The following SLC38A9 variants were observed in gnomAD, a reference collection of about 807,000 sequenced individuals.
SLC38A9 encodes neutral amino acid transporter 9.
A neutral mutation model predicts 62.3 loss-of-function variants in SLC38A9; 48 were observed. The observed-to-expected ratio is 0.77, with a 90% CI of 0.61 to 0.98. The LOEUF (loss-of-function observed/expected upper bound fraction) is 0.98. SLC38A9 is among the 50% of genes least tolerant of loss of function. The probability of loss-of-function intolerance (pLI) is 0.00; values close to 1 mark genes in which losing one functional copy is unlikely to be tolerated. For missense variants in SLC38A9, 541 were observed against 679.8 expected, an observed-to-expected ratio of 0.80 and a Z score of 2.27; for synonymous variants, 204 against 227.7, an observed-to-expected ratio of 0.90 and a Z score of 0.94.
intron 3 of SLC38A9, chr5:55,691,311 A>G (rs1754706195): frequency 3.3e-6 from 5 of 1,498,476 alleles, no homozygotes; most frequent in African/African-American, 1.4e-5. Context: ...AATAGGACAG[A>G]TAAGTACTGG....
rs4865616 is a variant in SLC38A9, at chr5:55,664,859, C to T, written c.531G>A (p.Ser177=). The change falls in exon 8 of 16, where the codon TCG becomes TCA. Residue 177 remains serine (S), a synonymous_variant. Coordinates refer to ENST00000396865, the MANE Select transcript of SLC38A9 (RefSeq NM_173514.4). Reference sequence around the variant, plus strand: ...GATATTCCCAGCTAGTGGTATCCAACGAAACTAGATAAAATAAGAGAAAGA... The same window carrying T: ...GATATTCCCAGCTAGTGGTATCCAATGAAACTAGATAAAATAAGAGAAAGA... ...RVVKSRTMMF[S]LDTTSWEYPD... The T allele has an allele frequency of 0.65, 973,863 of 1,509,382 alleles. 318,981 individuals are homozygous for T. The highest frequency in any genetic ancestry group is 0.69 in the South Asian group (51,227 of 74,622). The allele number at this position is 1,509,382 out of a possible 1,614,324, so 93.5% of individuals were successfully genotyped here.
chr5:55,711,700 C>T (rs1269773992), intron 1 of SLC38A9, among the ~76,000 whole-genome samples: 2 of 152,202 alleles, frequency 1.3e-5, no homozygotes, highest in East Asian at 1.9e-4. Flanking sequence ...GTTCCTCCCT[C>T]ATGTTCCCCC....
Position 55,626,789 on chromosome 5 carries a change from T to A in SLC38A9, c.1521-130A>T, listed in dbSNP as rs568264773. 3.0e-5 allele frequency: 24 copies of A among 793,456 alleles called. No individual in the cohort carries two copies. In the East Asian group the frequency reaches 5.4e-4, roughly 18 times the overall value. The allele number at this position is 793,456 out of a possible 1,614,324, so 49.2% of individuals were successfully genotyped here. ...CAAAAATTATTTTTGATTCATTTGT[T>A]GTTGACATAAAACATCTGGGTTTAA... is the stretch of plus-strand genomic sequence containing the variant. On this transcript the variant is annotated intron_variant, in intron 15 of 15. Coordinates refer to ENST00000396865, the MANE Select transcript of SLC38A9 (RefSeq NM_173514.4).
intron 3 of SLC38A9, among the ~76,000 whole-genome samples, chr5:55,687,322 G>C (rs1348120154): frequency 6.7e-6 from 1 of 149,854 alleles, no homozygotes; most frequent in Non-Finnish European, 1.5e-5. Context: ...AGCTACTCGG[G>C]AGGCTGAGGC....
At chr5:55,675,203 T>C (rs1166170110) in intron 3 of SLC38A9, 1 of 152,240 alleles carries the variant, frequency 6.6e-6, no homozygotes, top group Non-Finnish European at 1.5e-5. Flanking sequence ...CAGGAAGTGC[T>C]AAATTTCTTG....
At chr5:55,638,504 G>A (rs1008945531) in intron 12 of SLC38A9, among the ~76,000 whole-genome samples, 6 of 152,132 alleles carry the variant, frequency 3.9e-5, no homozygotes, top group South Asian at 2.1e-4. Context: ...CAGGGTTGAC[G>A]GTAGAAAACT....
At chr5:55,674,915 T>G (rs1341300873) in intron 3 of SLC38A9, among the ~76,000 whole-genome samples, 1 of 152,214 alleles carries the variant, frequency 6.6e-6, no homozygotes. Context: ...TATTTATGTC[T>G]GGCAGATGGT....
chr5:55,638,425 G>A (rs893710358), intron 12 of SLC38A9, among the ~76,000 whole-genome samples: 2 of 152,194 alleles, frequency 1.3e-5, no homozygotes, highest in African/African-American at 4.8e-5. Context: ...ATATAAGCTG[G>A]TAATTATGTC....
chr5:55,652,518 C>G lies in SLC38A9; in HGVS notation c.952+11G>C. The G allele has an allele frequency of 6.4e-7, 1 of 1,560,538 alleles. No individual in the cohort carries two copies. The highest frequency in any genetic ancestry group is 2.3e-5 in the East Asian group (1 of 44,334). ...TACACAAAGTCTCCATAATTCAGTG[C>G]TACTACTTACCTAGGATATTAAATT... On this transcript the variant is annotated intron_variant, in intron 10 of 15. Coordinates refer to ENST00000396865, the MANE Select transcript of SLC38A9 (RefSeq NM_173514.4).
chr5:55,630,008 A>T (rs1423962947), intron 14 of SLC38A9, among the ~76,000 whole-genome samples: 2 of 152,238 alleles, frequency 1.3e-5, no homozygotes, highest in Admixed American at 1.3e-4. Flanking sequence ...AAAAGATCCA[A>T]AGTGCACGAT....
chr5:55,679,534 GCT>G (rs1193018276), intron 3 of SLC38A9, among the ~76,000 whole-genome samples: 1 of 151,462 alleles, frequency 6.6e-6, no homozygotes, highest in African/African-American at 2.4e-5. Context: ...ATTCTACTAT[GCT>G]GAGAATCTCT....
chr5:55,663,310 A>G (rs1273510746), intron 8 of SLC38A9, among the ~76,000 whole-genome samples: 1 of 151,586 alleles, frequency 6.6e-6, no homozygotes, highest in Non-Finnish European at 1.5e-5. Context: ...AAAAAAAAAA[A>G]AAAAAAAAAA....
chr5:55,651,626 C>T (rs1002187248), intron 10 of SLC38A9, among the ~76,000 whole-genome samples: 2 of 151,946 alleles, frequency 1.3e-5, no homozygotes, highest in African/African-American at 4.8e-5. Context: ...GAGGTCTGTT[C>T]CTTGAAGAAG....
At chr5:55,685,192 A>C (rs1027730110) in intron 3 of SLC38A9, among the ~76,000 whole-genome samples, 2 of 152,226 alleles carry the variant, frequency 1.3e-5, no homozygotes, top group Non-Finnish European at 2.9e-5. Context: ...TCACAGATTG[A>C]TGACTGTACA....
chr5:55,638,457 G>A (rs547967614), intron 12 of SLC38A9, among the ~76,000 whole-genome samples: 2 of 152,290 alleles, frequency 1.3e-5, no homozygotes, highest in Non-Finnish European at 2.9e-5. Flanking sequence ...ACATTAATAA[G>A]GTAACTGACT....
At chr5:55,631,686 T>A (rs1743475950) in intron 14 of SLC38A9, among the ~76,000 whole-genome samples, 2 of 152,234 alleles carry the variant, frequency 1.3e-5, no homozygotes, top group Non-Finnish European at 2.9e-5. Context: ...ATGGCAAAAA[T>A]TATTTATCGA....
intron 8 of SLC38A9, among the ~76,000 whole-genome samples, chr5:55,663,408 G>A (rs989813677): frequency 1.5e-4 from 23 of 148,548 alleles, no homozygotes; most frequent in Non-Finnish European, 1.0e-4. Context: ...TGCATTTTTT[G>A]TAGTTTGAAA....
chr5:55,706,350 G>A (rs1325003044), intron 2 of SLC38A9, among the ~76,000 whole-genome samples: 1 of 152,132 alleles, frequency 6.6e-6, no homozygotes, highest in African/African-American at 2.4e-5. Flanking sequence ...TGAGAATGTG[G>A]GTGAGTTTAG....
intron 14 of SLC38A9, 122 bp from the exon 15 acceptor site, chr5:55,628,102 T>TA: frequency 1.6e-6 from 1 of 629,656 alleles, no homozygotes; most frequent in Non-Finnish European, 2.8e-6. Context: ...TTAAGCTTGA[T>TA]AAAATCACAG....
Sources: allele counts gnomAD v4.1 joint callset (sites outside exome capture counted in the v4.1 genomes callset), GRCh38; gene constraint gnomAD v4.1.1; transcripts MANE v1.5; gene names NCBI Gene and HGNC (gene_info 2026-07-23, HGNC 2026-07-21).